Variants in ADGRL1 observed in about 807,000 individuals in gnomAD.
ADGRL1 encodes adhesion G protein-coupled receptor L1.
ADGRL1 carries 31 observed loss-of-function variants against 148.9 expected under a neutral mutation model. The observed-to-expected ratio is 0.21, with a 90% CI of 0.16 to 0.28. The LOEUF (loss-of-function observed/expected upper bound fraction) is 0.28, where lower values mean the gene tolerates loss of function less well. Ranked by LOEUF, ADGRL1 falls within the 10% of genes least tolerant of loss-of-function variation. ADGRL1 has a pLI of 1.00. For missense variants in ADGRL1, 1,521 were observed against 2,058.8 expected (o/e 0.74, Z 5.05); for synonymous variants, 937 against 900.3 (o/e 1.04, Z -0.73).
intron 2 of ADGRL1, among the ~76,000 whole-genome samples, chr19:14,183,309 C>T (rs1054132103): frequency 6.6e-6 from 1 of 151,924 alleles, no homozygotes; most frequent in African/African-American, 2.4e-5. Context: ...CCAACCTGGC[C>T]CAGCCGACTT....
In ADGRL1 at chr19:14,183,596, G is replaced by C. The variant is rs202034157; in HGVS notation, c.7C>G (p.Arg3Gly). 6.3e-7 allele frequency: 1 copy of C among 1,576,084 alleles called. No individual in the cohort carries two copies. Among genetic ancestry groups the C allele is most frequent in the East Asian group, 2.3e-5 (1 of 42,828 alleles). Reference protein sequence around the residue: MARLAAVLWNLCV... With the variant: MAGLAAVLWNLCV... ...AGATTCCAGAGCACTGCGGCTAGGC[G>C]GGCCATGGTGGCAGCCGGGTGCGTG... Residue 3 changes from arginine (R) to glycine (G), a missense_variant, in exon 2 of 23, where the codon CGC (arginine) becomes GGC (glycine). Around this residue, in one of 8 missense-constraint regions of ADGRL1, gnomAD observed 334 missense variants for 512.5 expected, o/e 0.65. Transcript: ENST00000361434.
At chr19:14,201,000 C>T (rs1223995348) in intron 1 of ADGRL1, among the ~76,000 whole-genome samples, 1 of 152,218 alleles carries the variant, frequency 6.6e-6, no homozygotes. Context: ...TGTCTGGAGA[C>T]TTTCTGAGGT....
At chr19:14,200,196 G>A (rs964929432) in intron 1 of ADGRL1, among the ~76,000 whole-genome samples, 2 of 152,220 alleles carry the variant, frequency 1.3e-5, no homozygotes, top group African/African-American at 4.8e-5. Context: ...AGGCCCTGGG[G>A]CTGGACCGTG....
At position 14,155,955 on chromosome 19, in the gene ADGRL1, A is replaced by G. The variant is rs1968687608; in HGVS notation, c.3125+155T>C. On this transcript the variant is annotated intron_variant, in intron 17 of 22. Transcript: ENST00000361434. The surrounding 1 kb of genome is among the most constrained non-coding windows in gnomAD (Gnocchi z 5.0). ...TCTAAGACCCATTAAGTAGGTACATAGTGAACACAATAGAACACCCCTGTT... is the reference window on the plus strand; with the variant it reads ...TCTAAGACCCATTAAGTAGGTACATGGTGAACACAATAGAACACCCCTGTT... 6.6e-6 allele frequency among the ~76,000 whole-genome samples: 1 copy of G among 152,008 alleles called. No individual in the cohort carries two copies.
At chr19:14,205,147 G>C (rs1972902250) in intron 1 of ADGRL1, among the ~76,000 whole-genome samples, 1 of 152,102 alleles carries the variant, frequency 6.6e-6, no homozygotes, top group African/African-American at 2.4e-5. Context: ...AGCAAACACA[G>C]CATCCCCCCA....
At chr19:14,154,374 C>T (rs753982088) in intron 18 of ADGRL1, among the ~76,000 whole-genome samples, 1 of 152,206 alleles carries the variant, frequency 6.6e-6, no homozygotes, top group Non-Finnish European at 1.5e-5. Context: ...TCTACAAATG[C>T]CTCAGCTCCG....
intron 1 of ADGRL1, among the ~76,000 whole-genome samples, chr19:14,189,214 C>CTTT (rs869270152): frequency 7.3e-6 from 1 of 136,434 alleles, no homozygotes; most frequent in Non-Finnish European, 1.6e-5. Flanking sequence ...GCTATGTGGC[C>CTTT]TTTTTTTTTT....
Position 14,157,588 on chromosome 19 carries a change from G to A in ADGRL1, c.2536-128C>T. The A allele has an allele frequency of 1.1e-6, 1 of 922,248 alleles. No individual in the cohort carries two copies. Among genetic ancestry groups the A allele is most frequent in the Non-Finnish European group, 1.7e-6 (1 of 599,860 alleles). 57.1% of individuals were successfully genotyped at this position (922,248 alleles called of 1,614,324 possible). A position where few individuals can be genotyped will look rare whatever the true frequency, so the allele number is the denominator to read the frequency against. ...TGAGGACCTCTGGTGCCGCCAACCT[G>A]GCAGCCCTCACCCCTCTGCACGCAG... On this transcript the variant is annotated intron_variant, in intron 13 of 22. Transcript: ENST00000361434. This position sits in a 1 kb window ranked among gnomAD's most constrained non-coding sequence, Gnocchi z 7.5.
chr19:14,161,110 G>C lies in ADGRL1; in HGVS notation c.1510+202C>G, dbSNP rs543867275. ...GGCCGGGAGCCAGGTCACCTCCTGC[G>C]GACTCCCTGCAGGTTCTGCAGGTGG... On this transcript the variant is annotated intron_variant, in intron 6 of 22. Coordinates refer to ENST00000361434, the MANE Select transcript of ADGRL1 (RefSeq NM_014921.5). This position sits in a 1 kb window ranked among gnomAD's most constrained non-coding sequence, Gnocchi z 4.4. Among the ~76,000 whole-genome samples, 15 of 152,228 alleles carry C rather than the reference G, an allele frequency of 9.9e-5. No individual in the cohort carries two copies. The highest frequency in any genetic ancestry group is 3.9e-4 in the Admixed American group (6 of 15,302).
chr19:14,171,968 C>A (rs574839755), intron 3 of ADGRL1, among the ~76,000 whole-genome samples: 1 of 152,160 alleles, frequency 6.6e-6, no homozygotes, highest in Admixed American at 6.6e-5. Context: ...GCAGAAGAGG[C>A]CCTGTGTCTC....
rs1161079377 is a variant in ADGRL1, at chr19:14,162,669, C to T, written c.1132G>A (p.Val378Ile). ...CGCACCACGAAATAGTTGTTCCAGACGTACAGCTGGTTGTCGCGAGGGTTG... is the reference window on the plus strand; with the variant it reads ...CGCACCACGAAATAGTTGTTCCAGATGTACAGCTGGTTGTCGCGAGGGTTG... ...DYNPRDNQLY[V>I]WNNYFVVRYS... Residue 378 changes from valine to isoleucine, a missense_variant, in exon 5 of 23, where the codon GTC (valine) becomes ATC (isoleucine). Around this residue, in one of 8 missense-constraint regions of ADGRL1, gnomAD observed 270 missense variants for 320.4 expected, o/e 0.84. Coordinates refer to ENST00000361434, the MANE Select transcript of ADGRL1 (RefSeq NM_014921.5). This position sits in a 1 kb window ranked among gnomAD's most constrained non-coding sequence, Gnocchi z 5.4. The T allele has an allele frequency of 1.4e-5, 22 of 1,613,996 alleles. No individual in the cohort carries two copies. The highest frequency in any genetic ancestry group is 2.2e-5 in the South Asian group (2 of 91,076).
rs567701052 is a variant in ADGRL1, at chr19:14,149,540, G to A, written c.*1333C>T. ...CTCAAAGGGACAGCGCAGCCATCTT[G>A]ACAAAGCATCTTTGGGTGTGAAGAG... On this transcript the variant is annotated 3_prime_UTR_variant, in exon 23 of 23. Transcript: ENST00000361434. 6.5e-6 allele frequency: 1 copy of A among 152,828 alleles called. No individual in the cohort carries two copies. Among genetic ancestry groups the A allele is most frequent in the Non-Finnish European group, 1.5e-5 (1 of 68,130 alleles). 9.5% of individuals were successfully genotyped at this position (152,828 alleles called of 1,614,324 possible).
chr19:14,166,562 C>CAGAGAGAG (rs370519604), intron 4 of ADGRL1, among the ~76,000 whole-genome samples: 2 of 148,076 alleles, frequency 1.4e-5, no homozygotes, highest in African/African-American at 2.5e-5. Context: ...AGGGGAGAGA[C>CAGAGAGAG]AGAGAGAGAG....
intron 22 of ADGRL1, among the ~76,000 whole-genome samples, 154 bp from the exon 23 acceptor site, chr19:14,151,769 C>A (rs1018790327): frequency 2.0e-5 from 3 of 152,138 alleles, no homozygotes; most frequent in Admixed American, 1.3e-4. Flanking sequence ...TCTCACATTC[C>A]CTTTCTCCCT....
chr19:14,150,968 G>A lies in ADGRL1; in HGVS notation c.4315C>T (p.Arg1439Trp), dbSNP rs754657629. Residue 1439 changes from arginine to tryptophan, a missense_variant, in exon 23 of 23, where the codon CGG becomes TGG. Around this residue, in one of 8 missense-constraint regions of ADGRL1, gnomAD observed 390 missense variants for 375.0 expected, o/e 1.04. Coordinates refer to ENST00000361434, the MANE Select transcript of ADGRL1 (RefSeq NM_014921.5). ...RNPLQGYYQVRRPSHEGYLAA... is the reference protein window; with the variant it reads ...RNPLQGYYQVWRPSHEGYLAA... The stretch of plus-strand genomic sequence containing the variant: ...AGGTAGCCCTCGTGGCTAGGACGCC[G>A]CACCTGGTAGTAGCCCTGCAGGGGA... The A allele has an allele frequency of 5.0e-6, 8 of 1,598,780 alleles. No homozygotes were observed. Among genetic ancestry groups the A allele is most frequent in the African/African-American group, 2.7e-5 (2 of 74,278 alleles).
chr19:14,161,198 T>C lies in ADGRL1; in HGVS notation c.1510+114A>G. On this transcript the variant is annotated intron_variant, in intron 6 of 22. Coordinates refer to ENST00000361434, the MANE Select transcript of ADGRL1 (RefSeq NM_014921.5). The surrounding 1 kb of genome is among the most constrained non-coding windows in gnomAD (Gnocchi z 4.4). ...TCTGCTGGTCACTGGGGATGACCCC[T>C]GCCCTCAGAAAACCTCTGCTCCGCA... 9.4e-7 allele frequency: 1 copy of C among 1,067,832 alleles called. No homozygotes were observed. Among genetic ancestry groups the C allele is most frequent in the Non-Finnish European group, 1.3e-6 (1 of 777,354 alleles). 66.1% of individuals were successfully genotyped at this position (1,067,832 alleles called of 1,614,324 possible). A position where few individuals can be genotyped will look rare whatever the true frequency, so the allele number is the denominator to read the frequency against.
chr19:14,151,357 G>A lies in ADGRL1; in HGVS notation c.3926C>T (p.Pro1309Leu), dbSNP rs1433930377. ...PPPEPPVPPVPGGGGEEEAGG... is the reference protein window; with the variant it reads ...PPPEPPVPPVLGGGGEEEAGG... Reference sequence around the variant, plus strand: ...CGCCTCTTCCTCGCCCCCGCCCCCTGGCACAGGTGGCACAGGGGGCTCAGG... The same window carrying A: ...CGCCTCTTCCTCGCCCCCGCCCCCTAGCACAGGTGGCACAGGGGGCTCAGG... Residue 1309 changes from proline to leucine, a missense_variant, in exon 23 of 23, where the codon CCA becomes CTA. Transcript: ENST00000361434. The A allele has an allele frequency of 6.3e-7, 1 of 1,595,912 alleles. No homozygotes were observed. Among genetic ancestry groups the A allele is most frequent in the African/African-American group, 1.3e-5 (1 of 74,408 alleles).
chr19:14,171,338 G>T (rs1970452917), intron 3 of ADGRL1: 1 of 152,354 alleles, frequency 6.6e-6, no homozygotes. Flanking sequence ...GACTTGTGTG[G>T]GCACTTTTTG....
At position 14,152,884 on chromosome 19, in the gene ADGRL1, C is replaced by G; in HGVS notation, c.3323G>C (p.Arg1108Pro). 6.2e-7 allele frequency: 1 copy of G among 1,614,102 alleles called. No homozygotes were observed. Reference sequence around the variant, plus strand: ...GGAGCGGATGCAGCAGTAGGAGTGACGCAGGCACTTGCTGTACTCCTTGTG... The same window carrying G: ...GGAGCGGATGCAGCAGTAGGAGTGAGGCAGGCACTTGCTGTACTCCTTGTG... ...KVHKEYSKCLRHSYCCIRSPP... is the reference protein window; with the variant it reads ...KVHKEYSKCLPHSYCCIRSPP... Residue 1108 changes from arginine (R) to proline (P), a missense_variant, in exon 19 of 23, where the codon CGT becomes CCT. By Grantham distance (103) the Arg-to-Pro change is moderately radical (BLOSUM62 -2). Around this residue, in one of 8 missense-constraint regions of ADGRL1, gnomAD observed 185 missense variants for 251.7 expected, o/e 0.74. Coordinates refer to ENST00000361434, the MANE Select transcript of ADGRL1 (RefSeq NM_014921.5). This position sits in a 1 kb window ranked among gnomAD's most constrained non-coding sequence, Gnocchi z 6.1.
Sources: gnomAD v4.1 joint callset for allele counts (sites outside exome capture counted in the v4.1 genomes callset) on GRCh38, gnomAD v4.1.1 for gene constraint, gnomAD v4.1.1 regional missense constraint, Gnocchi (gnomAD v3.1) non-coding constraint, MANE v1.5 for transcripts, NCBI Gene and HGNC (gene_info 2026-07-23, HGNC 2026-07-21) for gene names.